MLPH: variants seen among roughly 807,000 people sequenced by gnomAD.
MLPH encodes exophilin-3.
In MLPH, 51 loss-of-function variants were observed where a neutral mutation model predicts 72.1. That is an observed-to-expected ratio of 0.71 (90% CI 0.56 to 0.89). The LOEUF (loss-of-function observed/expected upper bound fraction) is 0.89. Among genes scored for constraint, MLPH ranks in the 40% least tolerant of loss-of-function variants. The pLI is 0.00. For missense variants in MLPH, 743 were observed against 759.9 expected, an observed-to-expected ratio of 0.98 and a Z score of 0.26; for synonymous variants, 301 against 310.1, an observed-to-expected ratio of 0.97 and a Z score of 0.31.
At chr2:237,522,864 T>A (rs2080220192) in intron 6 of MLPH, among the ~76,000 whole-genome samples, 1 of 152,150 alleles carries the variant, frequency 6.6e-6, no homozygotes, top group South Asian at 2.1e-4. Context: ...ATAAAGCCAA[T>A]ATCACCGATG....
chr2:237,499,747 T>G (rs1452898462), intron 2 of MLPH, among the ~76,000 whole-genome samples: 2 of 152,184 alleles, frequency 1.3e-5, no homozygotes, highest in South Asian at 2.1e-4. Context: ...TTTTACTTTT[T>G]TTTTGTTTGT....
At position 237,525,770 on chromosome 2, in the gene MLPH, C is replaced by T; in HGVS notation, c.845C>T (p.Ser282Phe). 1 of 1,613,658 alleles carries T rather than the reference C, an allele frequency of 6.2e-7. No homozygotes were observed. Among genetic ancestry groups the T allele is most frequent in the Non-Finnish European group, 8.5e-7 (1 of 1,180,034 alleles). Residue 282 changes from serine (S) to phenylalanine (F), a missense_variant, in exon 7 of 16, where the codon TCC becomes TTC. Ser to Phe is a radical substitution (Grantham distance 155). Transcript: ENST00000264605. ...ALAELCPPGG[S>F]HRMALGTAAA... ...GCTGAGCTCTGCCCGCCTGGAGGCTCCCACAGGATGGCCCTGGGGACTGCT... is the reference window on the plus strand; with the variant it reads ...GCTGAGCTCTGCCCGCCTGGAGGCTTCCACAGGATGGCCCTGGGGACTGCT...
chr2:237,526,079 G>A (rs2080298958), intron 7 of MLPH, among the ~76,000 whole-genome samples: 1 of 152,210 alleles, frequency 6.6e-6, no homozygotes, highest in Non-Finnish European at 1.5e-5. Context: ...GGTGGGACAT[G>A]CAGGCCTCCC....
chr2:237,512,261 C>A lies in MLPH; in HGVS notation c.445+1160C>A, dbSNP rs924242251. Among the ~76,000 whole-genome samples the A allele has an allele frequency of 8.5e-5, 13 of 152,236 alleles. No homozygotes were observed. The highest frequency in any genetic ancestry group is 3.1e-4 in the African/African-American group (13 of 41,462). On this transcript the variant is annotated intron_variant, in intron 4 of 15. Transcript: ENST00000264605. The surrounding 1 kb of genome is among the most constrained non-coding windows in gnomAD (Gnocchi z 5.5). Reference sequence around the variant, plus strand: ...AAAGCCTCAAGTTTGATTGAAGAAGCAGAAGTTGGCATAGACACCTTTGAG... The same window carrying A: ...AAAGCCTCAAGTTTGATTGAAGAAGAAGAAGTTGGCATAGACACCTTTGAG...
chr2:237,499,885 C>T (rs1246621258), intron 2 of MLPH, among the ~76,000 whole-genome samples: 1 of 152,050 alleles, frequency 6.6e-6, no homozygotes, highest in Admixed American at 6.5e-5. Flanking sequence ...GCTGAGACTA[C>T]AGGCATGCAT....
At chr2:237,486,858 T>C (rs1161866102), upstream of MLPH, 1 of 152,178 alleles carries the variant, frequency 6.6e-6, no homozygotes, top group Non-Finnish European at 1.5e-5. Context: ...AGTTTCCCCA[T>C]TTGTAAAGCC....
intron 8 of MLPH, among the ~76,000 whole-genome samples, chr2:237,533,589 G>A (rs1378326976): frequency 1.3e-5 from 2 of 152,022 alleles, no homozygotes; most frequent in South Asian, 2.1e-4. Context: ...GATGGCGTTC[G>A]CCATGTTGGC....
At position 237,496,350 on chromosome 2, in the gene MLPH, G is replaced by C. The variant is rs2079535581; in HGVS notation, c.110+2814G>C. Reference sequence around the variant, plus strand: ...AGGGGACTGCTGAGTGGTCCGCCCTGCTCCAGTCCAGGCTTATCTGAAGCG... The same window carrying C: ...AGGGGACTGCTGAGTGGTCCGCCCTCCTCCAGTCCAGGCTTATCTGAAGCG... On this transcript the variant is annotated intron_variant, in intron 2 of 15. Transcript: ENST00000264605. Among the ~76,000 whole-genome samples the C allele has an allele frequency of 3.3e-5, 5 of 152,180 alleles. 1 individual carries two copies. The highest frequency in any genetic ancestry group is 3.3e-4 in the Admixed American group (5 of 15,282).
chr2:237,540,672 G>A (rs774126759), intron 10 of MLPH, 130 bp from the exon 11 acceptor site: 73 of 1,496,856 alleles, frequency 4.9e-5, no homozygotes, highest in Non-Finnish European at 6.2e-5. Context: ...GGTCTGCAGC[G>A]GGTGGCCGGC....
intron 8 of MLPH, among the ~76,000 whole-genome samples, chr2:237,528,256 G>C (rs1344385572): frequency 6.6e-6 from 1 of 151,288 alleles, no homozygotes; most frequent in Non-Finnish European, 1.5e-5. Context: ...TGGATAAAAG[G>C]GTAAATTTTT....
intron 9 of MLPH, 67 bp downstream of exon 9, chr2:237,534,714 T>G: frequency 8.0e-7 from 1 of 1,252,214 alleles, no homozygotes; most frequent in East Asian, 2.3e-5. Context: ...GGCTGAAGTG[T>G]GACATGGGCT....
chr2:237,497,611 A>C (rs1041304180), intron 2 of MLPH, among the ~76,000 whole-genome samples: 2 of 152,248 alleles, frequency 1.3e-5, no homozygotes, highest in Non-Finnish European at 2.9e-5. Flanking sequence ...CAAGCATAGA[A>C]AAAAGGCTCT....
At chr2:237,551,215 G>A (rs2081033233) in intron 14 of MLPH, among the ~76,000 whole-genome samples, 1 of 152,270 alleles carries the variant, frequency 6.6e-6, no homozygotes, top group Non-Finnish European at 1.5e-5. Flanking sequence ...CCTCGAGTTA[G>A]GTGATTCCCT....
chr2:237,513,621 C>T (rs535457203), intron 4 of MLPH, among the ~76,000 whole-genome samples: 2 of 152,054 alleles, frequency 1.3e-5, no homozygotes, highest in African/African-American at 4.8e-5. Context: ...CCCCCTTGGC[C>T]CAAGTGCAGA....
chr2:237,542,560 C>G lies in MLPH; in HGVS notation c.1447-7C>G. On this transcript the variant is annotated splice_region_variant and splice_polypyrimidine_tract_variant and intron_variant, in intron 11 of 15. Transcript: ENST00000264605. The stretch of plus-strand genomic sequence containing the variant: ...TGACGGGCCTTCTGTCTGCTGTCCT[C>G]TCGCAGGTTTCAGACATTGAATCCA... 1 of 1,592,278 alleles carries G rather than the reference C, an allele frequency of 6.3e-7. No homozygotes were observed. Among genetic ancestry groups the G allele is most frequent in the Admixed American group, 1.8e-5 (1 of 57,002 alleles).
rs565078243 is a variant in MLPH, at chr2:237,524,620, G to A, written c.676-981G>A. On this transcript the variant is annotated intron_variant, in intron 6 of 15. Transcript: ENST00000264605. ...CTGACTCCAATGTTAATCTCCTTTG[G>A]CAACACCCTCACAGACACAGCCAGG... 3.3e-5 allele frequency among the ~76,000 whole-genome samples: 5 copies of A among 152,210 alleles called. No individual in the cohort carries two copies. In the South Asian group the frequency reaches 8.3e-4, roughly 25 times the overall value.
At chr2:237,545,232 T>TC (rs1347129506) in intron 12 of MLPH, among the ~76,000 whole-genome samples, 5 of 124,248 alleles carry the variant, frequency 4.0e-5, no homozygotes, top group African/African-American at 1.7e-4. Flanking sequence ...CAGTGGTGAG[T>TC]GGGGCACAGT....
intron 2 of MLPH, among the ~76,000 whole-genome samples, chr2:237,497,334 A>G (rs1444256421): frequency 6.6e-6 from 1 of 152,206 alleles, no homozygotes; most frequent in Non-Finnish European, 1.5e-5. Flanking sequence ...GAGGTAGTTA[A>G]GAGGTTTTTG....
At chr2:237,522,919 C>T (rs1559356341) in intron 6 of MLPH, among the ~76,000 whole-genome samples, 1 of 152,154 alleles carries the variant, frequency 6.6e-6, no homozygotes, top group South Asian at 2.1e-4. Context: ...AGCATCTGCT[C>T]GGCTGTACCA....
Sources: gnomAD v4.1 joint callset for allele counts (sites outside exome capture counted in the v4.1 genomes callset) on GRCh38, gnomAD v4.1.1 for gene constraint, Gnocchi (gnomAD v3.1) non-coding constraint, MANE v1.5 for transcripts, NCBI Gene and HGNC (gene_info 2026-07-23, HGNC 2026-07-21) for gene names.